Variants in CREB3L2 observed in about 807,000 individuals in gnomAD.
CREB3L2 encodes the protein cAMP responsive element binding protein 3 like 2.
Under a neutral mutation model 57.2 loss-of-function variants are expected in CREB3L2, and 23 were observed. The observed-to-expected ratio is 0.40, with a 90% CI of 0.29 to 0.57. CREB3L2 has a LOEUF of 0.57. Ranked by LOEUF, CREB3L2 falls within the 20% of genes least tolerant of loss-of-function variation. CREB3L2 has a pLI of 0.42. For synonymous variants in CREB3L2, 268 were observed against 265.1 expected (o/e 1.01, Z -0.11); for missense variants, 628 against 634.7 (o/e 0.99, Z 0.11).
intron 1 of CREB3L2, among the ~76,000 whole-genome samples, chr7:137,984,012 C>T (rs1273527759): frequency 6.6e-6 from 1 of 152,238 alleles, no homozygotes; most frequent in Non-Finnish European, 1.5e-5. Context: ...AGGGGATGAG[C>T]AGCCACACCC....
chr7:137,971,291 A>C (rs1002372253), intron 1 of CREB3L2, among the ~76,000 whole-genome samples: 1 of 152,154 alleles, frequency 6.6e-6, no homozygotes, highest in African/African-American at 2.4e-5. Flanking sequence ...TCTACTAAAA[A>C]TACAAAAAAT....
chr7:137,958,338 T>C (rs1801256909), intron 1 of CREB3L2, among the ~76,000 whole-genome samples: 1 of 151,700 alleles, frequency 6.6e-6, no homozygotes. Flanking sequence ...TTGGGAGAAA[T>C]ATTGGAATTT....
At chr7:137,995,156 G>A (rs576164756) in intron 1 of CREB3L2, among the ~76,000 whole-genome samples, 1 of 152,028 alleles carries the variant, frequency 6.6e-6, no homozygotes, top group Admixed American at 6.6e-5. Context: ...ACACAAGAAA[G>A]AGACAACTTC....
intron 7 of CREB3L2, among the ~76,000 whole-genome samples, 162 bp downstream of exon 7, chr7:137,903,797 T>G (rs1211349119): frequency 1.3e-5 from 2 of 152,176 alleles, no homozygotes; most frequent in Non-Finnish European, 2.9e-5. Context: ...AGACGTCTCC[T>G]CCAAATAACC....
chr7:137,937,243 A>G (rs1443953086), intron 1 of CREB3L2, among the ~76,000 whole-genome samples: 2 of 152,242 alleles, frequency 1.3e-5, no homozygotes, highest in Non-Finnish European at 2.9e-5. Flanking sequence ...AGAAGAAGGG[A>G]GTGTGGCAAG....
intron 1 of CREB3L2, among the ~76,000 whole-genome samples, chr7:137,952,134 AAT>A (rs1174069846): frequency 3.3e-5 from 5 of 152,238 alleles, no homozygotes; most frequent in African/African-American, 1.2e-4. Flanking sequence ...CCCATCCATT[AAT>A]ATCTCTGAGA....
chr7:137,916,161 G>A (rs1800128197), intron 2 of CREB3L2, 149 bp from the exon 3 acceptor site: 1 of 586,640 alleles, frequency 1.7e-6, no homozygotes, highest in Non-Finnish European at 2.9e-6. Context: ...TGAGGGAAAA[G>A]ATTGATAGAT....
chr7:137,909,640 C>A (rs1262578176), intron 4 of CREB3L2, among the ~76,000 whole-genome samples: 1 of 152,208 alleles, frequency 6.6e-6, no homozygotes, highest in Non-Finnish European at 1.5e-5. Flanking sequence ...CGGGAAGCCT[C>A]AGCACATCAC....
intron 1 of CREB3L2, among the ~76,000 whole-genome samples, chr7:137,972,209 G>A (rs1801519086): frequency 6.6e-6 from 1 of 152,084 alleles, no homozygotes; most frequent in Non-Finnish European, 1.5e-5. Flanking sequence ...AGGAAGCTGA[G>A]GCGGGCGGAT....
At chr7:137,941,353 C>T (rs555737922) in intron 1 of CREB3L2, among the ~76,000 whole-genome samples, 1 of 152,382 alleles carries the variant, frequency 6.6e-6, no homozygotes, top group African/African-American at 2.4e-5. Context: ...GCTATGAACA[C>T]GGAAGTGACT....
chr7:137,928,049 A>C, intron 2 of CREB3L2, 101 bp downstream of exon 2: 4 of 905,798 alleles, frequency 4.4e-6, no homozygotes. Flanking sequence ...CTCACTAATA[A>C]GGGTGCTGAC....
intron 1 of CREB3L2, 91 bp from the exon 2 acceptor site, chr7:137,928,457 C>T (rs919442596): frequency 2.9e-5 from 28 of 976,332 alleles, no homozygotes; most frequent in Admixed American, 6.0e-5. Context: ...ATCCACTGCT[C>T]GATATGAAGT....
chr7:137,910,081 C>T (rs530600350), intron 4 of CREB3L2, among the ~76,000 whole-genome samples: 1 of 152,248 alleles, frequency 6.6e-6, no homozygotes, highest in Admixed American at 6.5e-5. Flanking sequence ...GGTACTTTAT[C>T]AGCAGCATGA....
At chr7:137,881,408 G>A (rs1490984990) in intron 11 of CREB3L2, among the ~76,000 whole-genome samples, 1 of 152,168 alleles carries the variant, frequency 6.6e-6, no homozygotes, top group Non-Finnish European at 1.5e-5. Context: ...ATGCTTAACT[G>A]TTAAGTATAA....
At chr7:137,898,476 A>G (rs1209573504) in intron 8 of CREB3L2, among the ~76,000 whole-genome samples, 1 of 152,262 alleles carries the variant, frequency 6.6e-6, no homozygotes, top group East Asian at 1.9e-4. Flanking sequence ...TTAACGATGA[A>G]GAGTCTTGCT....
At chr7:137,937,403 T>A (rs377738161) in intron 1 of CREB3L2, among the ~76,000 whole-genome samples, 1 of 152,148 alleles carries the variant, frequency 6.6e-6, no homozygotes, top group African/African-American at 2.4e-5. Flanking sequence ...TAGGCCACCC[T>A]CCCTCCTCCC....
intron 1 of CREB3L2, among the ~76,000 whole-genome samples, chr7:137,969,340 C>CTTTTTTTT (rs71177936): frequency 1.3e-5 from 1 of 77,070 alleles, no homozygotes; most frequent in African/African-American, 5.5e-5. Flanking sequence ...TTATGATCTT[C>CTTTTTTTT]TTTTTTTTTT....
intron 6 of CREB3L2, among the ~76,000 whole-genome samples, chr7:137,905,067 T>C (rs889527524): frequency 5.7e-4 from 87 of 151,976 alleles, no homozygotes; most frequent in African/African-American, 2.1e-3. Flanking sequence ...AGCTCTTGTC[T>C]TCCTTCCCTC....
chr7:137,928,715 G>T (rs1203779229), intron 1 of CREB3L2, among the ~76,000 whole-genome samples: 1 of 152,166 alleles, frequency 6.6e-6, no homozygotes, highest in Non-Finnish European at 1.5e-5. Context: ...ATCAGGCCGG[G>T]CTTCCTCCCA....
Sources: gnomAD v4.1 joint callset for allele counts (sites outside exome capture counted in the v4.1 genomes callset) on GRCh38, gnomAD v4.1.1 for gene constraint, MANE v1.5 for transcripts, NCBI Gene and HGNC (gene_info 2026-07-23, HGNC 2026-07-21) for gene names.